The following DYNC1I1 variants were observed in gnomAD, a reference collection of about 807,000 sequenced individuals.
The protein encoded by DYNC1I1 is cytoplasmic dynein 1 intermediate chain 1.
DYNC1I1 carries 43 observed loss-of-function variants against 86.6 expected under a neutral mutation model. That is an observed-to-expected ratio of 0.50 (90% CI 0.39 to 0.64). The LOEUF (loss-of-function observed/expected upper bound fraction) is 0.64. DYNC1I1 is among the 30% of genes least tolerant of loss of function. The pLI is 0.00. For missense variants in DYNC1I1, 604 were observed against 788.8 expected (o/e 0.77, Z 2.81); for synonymous variants, 262 against 283.7 (o/e 0.92, Z 0.77).
intron 9 of DYNC1I1, among the ~76,000 whole-genome samples, chr7:95,995,041 A>C (rs1259197014): frequency 6.6e-6 from 1 of 152,000 alleles, no homozygotes; most frequent in African/African-American, 2.4e-5. Flanking sequence ...AGGTCAGGAG[A>C]TCGAGACCAT....
At chr7:96,095,324 A>G (rs1301977555) in intron 16 of DYNC1I1, among the ~76,000 whole-genome samples, 1 of 152,166 alleles carries the variant, frequency 6.6e-6, no homozygotes, top group Non-Finnish European at 1.5e-5. Context: ...CATGACTACT[A>G]CATGAAACTA....
At chr7:95,834,909 T>A (rs1174247685) in intron 5 of DYNC1I1, among the ~76,000 whole-genome samples, 2 of 151,976 alleles carry the variant, frequency 1.3e-5, no homozygotes, top group Non-Finnish European at 2.9e-5. Flanking sequence ...TTGTTGATCC[T>A]TTCAAAAAGC....
intron 5 of DYNC1I1, among the ~76,000 whole-genome samples, chr7:95,846,163 A>G (rs1477459658): frequency 6.6e-6 from 1 of 152,126 alleles, no homozygotes; most frequent in African/African-American, 2.4e-5. Context: ...AATCATTGTC[A>G]TTTATATATA....
chr7:95,873,193 A>G (rs1394756894), intron 6 of DYNC1I1, among the ~76,000 whole-genome samples: 1 of 152,194 alleles, frequency 6.6e-6, no homozygotes, highest in African/African-American at 2.4e-5. Context: ...TAGCAAACCA[A>G]GACATCTCTC....
intron 16 of DYNC1I1, among the ~76,000 whole-genome samples, chr7:96,108,956 T>C (rs556188613): frequency 5.5e-4 from 84 of 152,158 alleles, no homozygotes; most frequent in African/African-American, 1.9e-3. Flanking sequence ...TTTGGTAGGA[T>C]ATATCTTTCA....
rs781534363 is a variant in DYNC1I1 at position 95,977,613 on chromosome 7, A to G, written c.580+12A>G. 14 of 1,608,202 alleles carry G rather than the reference A, an allele frequency of 8.7e-6. No homozygotes were observed. The highest frequency in any genetic ancestry group is 1.1e-5 in the Non-Finnish European group (13 of 1,176,986). On this transcript the variant is annotated intron_variant, in intron 7 of 16. Transcript: ENST00000447467. ...GGAAGTGAAGGAAGGTATGATATGG[A>G]AAATAAACTGAGTAATCATTTTATT...
intron 4 of DYNC1I1, among the ~76,000 whole-genome samples, chr7:95,813,944 C>T (rs1276539387): frequency 6.6e-6 from 1 of 152,086 alleles, no homozygotes; most frequent in Non-Finnish European, 1.5e-5. Context: ...TAGATCTAGA[C>T]ATTCTGTAAT....
At chr7:95,854,062 C>T (rs939126954) in intron 5 of DYNC1I1, among the ~76,000 whole-genome samples, 1 of 152,138 alleles carries the variant, frequency 6.6e-6, no homozygotes, top group African/African-American at 2.4e-5. Context: ...AAGTGAGTCT[C>T]TTGTAGGCAG....
intron 6 of DYNC1I1, among the ~76,000 whole-genome samples, chr7:95,973,721 G>A (rs1052202779): frequency 1.3e-5 from 2 of 152,052 alleles, no homozygotes; most frequent in African/African-American, 4.8e-5. Context: ...GGCATTTTTG[G>A]TCATGGTGTT....
At chr7:95,825,534 A>G (rs1370018995) in intron 4 of DYNC1I1, among the ~76,000 whole-genome samples, 1 of 152,198 alleles carries the variant, frequency 6.6e-6, no homozygotes, top group East Asian at 1.9e-4. Context: ...CATTACTTTC[A>G]CAATTTGAAC....
chr7:96,093,553 G>A (rs1232664902), intron 16 of DYNC1I1, among the ~76,000 whole-genome samples: 1 of 152,092 alleles, frequency 6.6e-6, no homozygotes, highest in Non-Finnish European at 1.5e-5. Context: ...AGTACTTTTG[G>A]CATGAAAATG....
At chr7:96,039,554 G>A in intron 14 of DYNC1I1, 133 bp downstream of exon 14, 10 of 1,071,106 alleles carry the variant, frequency 9.3e-6, no homozygotes, top group Non-Finnish European at 1.4e-5. Context: ...CTTCTGGTGA[G>A]CTCAGTCTAC....
At position 95,911,788 on chromosome 7, in the gene DYNC1I1, C is replaced by G. The variant is rs1428103271; in HGVS notation, c.490+41790C>G. Among the ~76,000 whole-genome samples, 6 of 152,086 alleles carry G rather than the reference C, an allele frequency of 3.9e-5. No individual in the cohort carries two copies. The East Asian group carries it at 7.7e-4, about 20-fold the overall frequency. ...CAGGTCAGCACCTGCTGCTGCTGGT[C>G]TAAGGATCTCATCTTGAGAACCACT... On this transcript the variant is annotated intron_variant, in intron 6 of 16. Transcript: ENST00000447467.
chr7:96,042,099 A>C (rs1789069589), intron 14 of DYNC1I1, among the ~76,000 whole-genome samples: 1 of 152,176 alleles, frequency 6.6e-6, no homozygotes, highest in Non-Finnish European at 1.5e-5. Context: ...ACCAAAAAAA[A>C]TCTAAAATCT....
intron 6 of DYNC1I1, among the ~76,000 whole-genome samples, chr7:95,976,729 G>A (rs1334091881): frequency 1.3e-5 from 2 of 152,054 alleles, no homozygotes; most frequent in Non-Finnish European, 2.9e-5. Context: ...GGATTTTCTT[G>A]TGACACCTTG....
chr7:95,818,682 T>G (rs1290083467), intron 4 of DYNC1I1: 3 of 445,534 alleles, frequency 6.7e-6, no homozygotes, highest in African/African-American at 5.9e-5. Flanking sequence ...AACACCTGTG[T>G]ATTTTATACA....
intron 10 of DYNC1I1, among the ~76,000 whole-genome samples, chr7:96,000,610 C>T (rs901382728): frequency 3.3e-5 from 5 of 152,118 alleles, no homozygotes; most frequent in Admixed American, 6.5e-5. Flanking sequence ...TGAGAATGAC[C>T]GATCCGATGA....
At chr7:95,828,190 T>C in intron 5 of DYNC1I1, 74 bp downstream of exon 5, 1 of 1,549,776 alleles carries the variant, frequency 6.5e-7, no homozygotes, top group Non-Finnish European at 8.9e-7. Context: ...GGAGCTGTTG[T>C]TGCTCTTGTG....
At chr7:95,789,330 G>T (rs1315146351) in intron 1 of DYNC1I1, among the ~76,000 whole-genome samples, 1 of 152,206 alleles carries the variant, frequency 6.6e-6, no homozygotes, top group African/African-American at 2.4e-5. Flanking sequence ...CATTTGTGTT[G>T]ACATGGTCTG....
Sources: allele counts gnomAD v4.1 joint callset (sites outside exome capture counted in the v4.1 genomes callset), GRCh38; gene constraint gnomAD v4.1.1; transcripts MANE v1.5; gene names NCBI Gene and HGNC (gene_info 2026-07-23, HGNC 2026-07-21).